The following SIGLEC1 variants were observed in gnomAD, a reference collection of about 807,000 sequenced individuals.
SIGLEC1 encodes the protein sialic acid binding Ig like lectin 1.
Under a neutral mutation model 148.0 loss-of-function variants are expected in SIGLEC1, and 132 were observed. That is an observed-to-expected ratio of 0.89 (90% CI 0.77 to 1.03). The LOEUF is 1.03. SIGLEC1 is among the 50% of genes least tolerant of loss of function. The pLI is 0.00. For synonymous variants in SIGLEC1, 945 were observed against 969.0 expected (o/e 0.98, Z 0.46); for missense variants, 2,253 against 2,271.4 (o/e 0.99, Z 0.16).
intron 16 of SIGLEC1, 39 bp downstream of exon 16, chr20:3,692,482 C>A (rs1293611892): frequency 1.3e-6 from 2 of 1,545,456 alleles, no homozygotes; most frequent in East Asian, 2.4e-5. Flanking sequence ...CTCCACCACC[C>A]TCCTCCTGGG....
chr20:3,700,833 T>G (rs2087845514), intron 7 of SIGLEC1, among the ~76,000 whole-genome samples: 1 of 151,852 alleles, frequency 6.6e-6, no homozygotes, highest in South Asian at 2.1e-4. Flanking sequence ...CCCAGGTAGC[T>G]GGGACTACAG....
Position 3,694,258 on chromosome 20 carries a change from C to G in SIGLEC1, c.3219G>C (p.Leu1073=). ...GVYICEASNT[L]GQASASADFD... The stretch of plus-strand genomic sequence containing the variant: ...AGTCAGCTGAGGCCGAGGCCTGGCC[C>G]AGGGTGTTGGAGGCCTCACAGATAT... The change falls in exon 13 of 22, where the codon CTG becomes CTC. Residue 1073 remains leucine (L), a synonymous_variant. Transcript: ENST00000344754. 1.9e-6 allele frequency: 3 copies of G among 1,612,650 alleles called. No homozygotes were observed. The highest frequency in any genetic ancestry group is 2.2e-5 in the East Asian group (1 of 44,860).
In SIGLEC1 at chr20:3,691,462, G is replaced by C. The variant is rs147117268; in HGVS notation, c.4469C>G (p.Ala1490Gly). Reference sequence around the variant, plus strand: ...GAAGGCGAGAGTGGGCACAGGCTCCGCGTGCAGCCGCCGGTCATTCCAGAA... The same window carrying C: ...GAAGGCGAGAGTGGGCACAGGCTCCCCGTGCAGCCGCCGGTCATTCCAGAA... ...AWFWNDRRLH[A>G]EPVPTLAFTH... Residue 1490 changes from alanine (A) to glycine (G), a missense_variant, in exon 18 of 22, where the codon GCG (alanine) becomes GGG (glycine). Coordinates refer to ENST00000344754, the MANE Select transcript of SIGLEC1 (RefSeq NM_023068.4). The C allele has an allele frequency of 6.2e-6, 10 of 1,613,042 alleles. No individual in the cohort carries two copies. The highest frequency in any genetic ancestry group is 8.5e-6 in the Non-Finnish European group (10 of 1,179,924).
intron 6 of SIGLEC1, among the ~76,000 whole-genome samples, chr20:3,702,834 T>C (rs1042583868): frequency 2.6e-5 from 4 of 152,222 alleles, no homozygotes; most frequent in African/African-American, 7.2e-5. Context: ...CCTGTATATA[T>C]GCAAGTCTAT....
In SIGLEC1 at chr20:3,701,633, G is replaced by A; in HGVS notation, c.1237C>T (p.Leu413Phe). The A allele has an allele frequency of 6.4e-7, 1 of 1,562,640 alleles. No homozygotes were observed. Among genetic ancestry groups the A allele is most frequent in the Non-Finnish European group, 8.7e-7 (1 of 1,149,756 alleles). ...PVSVVVNHPP[L>F]TPVLTAFLET... ...AGGAAGGCTGTCAGGACTGGAGTGA[G>A]AGGCGGGTCTGTGTGGAGACGAGAG... Residue 413 changes from leucine (L) to phenylalanine (F), a missense_variant, in exon 7 of 22, where the codon CTC becomes TTC. Physicochemically the swap from Leu to Phe is conservative, Grantham distance 22. Transcript: ENST00000344754.
rs2087922223 is a variant in SIGLEC1 at position 3,710,512 on chromosome 20, A to T, written c.-110+1958T>A. Among the ~76,000 whole-genome samples, 1 of 152,124 alleles carries T rather than the reference A, an allele frequency of 6.6e-6. No homozygotes were observed. The highest frequency in any genetic ancestry group is 1.5e-5 in the Non-Finnish European group (1 of 68,006). On this transcript the variant is annotated intron_variant, in intron 1 of 21. Transcript: ENST00000344754. The surrounding 1 kb of genome is among the most constrained non-coding windows in gnomAD (Gnocchi z 4.6). The stretch of plus-strand genomic sequence containing the variant: ...GGGAAGATGCACCCCCAGCCTCCAC[A>T]CCAGGTTCTTGGCCACTGGAGAATG...
At chr20:3,696,949 C>G in intron 10 of SIGLEC1, 61 bp from the exon 11 acceptor site, 1 of 1,532,854 alleles carries the variant, frequency 6.5e-7, no homozygotes, top group Non-Finnish European at 8.7e-7. Flanking sequence ...AACTGCCACA[C>G]TATGTCCCCC....
Position 3,708,568 on chromosome 20 carries a change from C to T in SIGLEC1, c.-109-1331G>A, listed in dbSNP as rs536008921. Among the ~76,000 whole-genome samples, 9 of 150,200 alleles carry T rather than the reference C, an allele frequency of 6.0e-5. No individual in the cohort carries two copies. In the South Asian group the frequency reaches 8.5e-4, roughly 14 times the overall value. ...ATCACTTTAGCCCAGGAGTTCAAGACGAGCCTGGGCAATACTGCAAGACTC... is the reference window on the plus strand; with the variant it reads ...ATCACTTTAGCCCAGGAGTTCAAGATGAGCCTGGGCAATACTGCAAGACTC... On this transcript the variant is annotated intron_variant, in intron 1 of 21. Coordinates refer to ENST00000344754, the MANE Select transcript of SIGLEC1 (RefSeq NM_023068.4).
rs529624202 is a variant in SIGLEC1 at position 3,693,084 on chromosome 20, C to T, written c.3556G>A (p.Gly1186Arg). ...RLTYLLESHG[G>R]QLALVLCTVD... ...GTGCACAGTACCAGGGCCAGCTGCCCGCCATGGCTCTCCAGGAGGTAGGTC... is the reference window on the plus strand; with the variant it reads ...GTGCACAGTACCAGGGCCAGCTGCCTGCCATGGCTCTCCAGGAGGTAGGTC... Residue 1186 changes from glycine (G) to arginine (R), a missense_variant, in exon 15 of 22, where the codon GGG becomes AGG. Transcript: ENST00000344754. The T allele has an allele frequency of 1.2e-5, 19 of 1,595,764 alleles. No homozygotes were observed. The highest frequency in any genetic ancestry group is 1.7e-4 in the Middle Eastern group (1 of 5,906).
At chr20:3,709,494 C>T (rs1048292101) in intron 1 of SIGLEC1, among the ~76,000 whole-genome samples, 3 of 152,164 alleles carry the variant, frequency 2.0e-5, no homozygotes, top group Non-Finnish European at 4.4e-5. Context: ...AAAATGGTTC[C>T]GTCACTGTGG....
intron 18 of SIGLEC1, among the ~76,000 whole-genome samples, chr20:3,690,746 G>A (rs2088749799): frequency 6.6e-6 from 1 of 152,030 alleles, no homozygotes; most frequent in Non-Finnish European, 1.5e-5. Context: ...TGGAGTGGGA[G>A]ACCAAGACTG....
chr20:3,705,667 T>C lies in SIGLEC1; in HGVS notation c.706+77A>G, dbSNP rs1005838626. On this transcript the variant is annotated intron_variant, in intron 4 of 21. Transcript: ENST00000344754. ...ATCAGGAGCAAGGGTTCCGTTTCTG[T>C]GGGCTGGAGAGGGGCTGGTTTCTGT... 9 of 1,476,050 alleles carry C rather than the reference T, an allele frequency of 6.1e-6. No individual in the cohort carries two copies. The South Asian group carries it at 9.0e-5, about 15-fold the overall frequency. The allele number at this position is 1,476,050 out of a possible 1,614,324, so 91.4% of individuals were successfully genotyped here. A position where few individuals can be genotyped will look rare whatever the true frequency, so the allele number is the denominator to read the frequency against.
chr20:3,698,027 G>T lies in SIGLEC1; in HGVS notation c.1893C>A (p.Pro631=), dbSNP rs753404501. Reference sequence around the variant, plus strand: ...CCTTGTGGAGCAGCTGCAGCCTGGCGGGGGGGTCGCTGTCCACACGGCACA... The same window carrying T: ...CCTTGTGGAGCAGCTGCAGCCTGGCTGGGGGGTCGCTGTCCACACGGCACA... ...LLLCRVDSDP[P]ARLQLLHKDR... The change falls in exon 9 of 22, where the codon CCC becomes CCA. Residue 631 remains proline, a synonymous_variant. Transcript: ENST00000344754. The T allele has an allele frequency of 1.9e-5, 31 of 1,605,740 alleles. No individual in the cohort carries two copies. The highest frequency in any genetic ancestry group is 2.2e-5 in the East Asian group (1 of 44,468).
chr20:3,703,087 A>T, intron 6 of SIGLEC1, 110 bp downstream of exon 6: 9 of 1,337,422 alleles, frequency 6.7e-6, no homozygotes, highest in African/African-American at 1.4e-5. Flanking sequence ...GGCCACCTCC[A>T]GGTAAGTGGC....
chr20:3,690,283 T>A lies in SIGLEC1; in HGVS notation c.4592-19A>T. On this transcript the variant is annotated intron_variant, in intron 18 of 21. Coordinates refer to ENST00000344754, the MANE Select transcript of SIGLEC1 (RefSeq NM_023068.4). ...GGAGGGTCTGTGGGGAGGAAGGGAG[T>A]GTGGTGATTGCAGACAATGACCACA... is the stretch of plus-strand genomic sequence containing the variant. 3.3e-6 allele frequency: 5 copies of A among 1,521,896 alleles called. No homozygotes were observed. Among genetic ancestry groups the A allele is most frequent in the Non-Finnish European group, 4.4e-6 (5 of 1,132,292 alleles). 94.3% of individuals were successfully genotyped at this position (1,521,896 alleles called of 1,614,324 possible).
chr20:3,707,655 T>A (rs2087906107), intron 1 of SIGLEC1, among the ~76,000 whole-genome samples: 1 of 152,230 alleles, frequency 6.6e-6, no homozygotes, highest in Non-Finnish European at 1.5e-5. Context: ...AATGGGGCTT[T>A]ACTGAACTTG....
At chr20:3,700,697 CTTT>C (rs71195856) in intron 7 of SIGLEC1, among the ~76,000 whole-genome samples, 16 of 119,880 alleles carry the variant, frequency 1.3e-4, no homozygotes, top group African/African-American at 2.2e-4. Flanking sequence ...TTTTCTTTTT[CTTT>C]TTTTTTTTTT....
chr20:3,689,562 AC>A (rs1335756415), intron 20 of SIGLEC1, 37 bp downstream of exon 20: 1 of 1,428,224 alleles, frequency 7.0e-7, no homozygotes, highest in Non-Finnish European at 9.6e-7. Flanking sequence ...GGGCTGCCTT[AC>A]CCCAATCTTC....
At position 3,703,813 on chromosome 20, in the gene SIGLEC1, C is replaced by T; in HGVS notation, c.973+12G>A. The T allele has an allele frequency of 1.2e-6, 2 of 1,613,614 alleles. No individual in the cohort carries two copies. Among genetic ancestry groups the T allele is most frequent in the East Asian group, 2.2e-5 (1 of 44,880 alleles). On this transcript the variant is annotated intron_variant, in intron 5 of 21. Transcript: ENST00000344754. ...ATTCTCTGGCCAATACGCAACCTTC[C>T]CAAGAACTCACTGAAGATGTGGAGG... is the stretch of plus-strand genomic sequence containing the variant.
Sources: gnomAD v4.1 joint callset for allele counts (sites outside exome capture counted in the v4.1 genomes callset) on GRCh38, gnomAD v4.1.1 for gene constraint, Gnocchi (gnomAD v3.1) non-coding constraint, MANE v1.5 for transcripts, NCBI Gene and HGNC (gene_info 2026-07-23, HGNC 2026-07-21) for gene names.